The following CLUH variants were observed in gnomAD, a reference collection of about 807,000 sequenced individuals.
CLUH encodes the protein CLUH binding protein of NUMT mRNA, also known as clustered mitochondria protein homolog.
In CLUH, 77 loss-of-function variants were observed where a neutral mutation model predicts 139.3. The ratio of observed to expected loss-of-function variants is 0.55; its 90% CI spans 0.46 to 0.67. CLUH has a LOEUF of 0.67. Among genes scored for constraint, CLUH ranks in the 30% least tolerant of loss-of-function variants. The probability of loss-of-function intolerance (pLI) is 0.00; values close to 1 mark genes in which losing one functional copy is unlikely to be tolerated. For missense variants in CLUH, 1,876 were observed against 1,875.8 expected (o/e 1.00, Z 0.00); for synonymous variants, 999 against 801.6 (o/e 1.25, Z -4.16).
At chr17:2,700,880 C>T in intron 7 of CLUH, 55 bp from the exon 8 acceptor site, 5 of 1,501,852 alleles carry the variant, frequency 3.3e-6, no homozygotes, top group South Asian at 2.7e-5. Flanking sequence ...CAGAGCCCTT[C>T]CACGGGCCCC....
intron 1 of CLUH, chr17:2,708,049 GCAAGAGGC>G: frequency 1.0e-6 from 1 of 975,014 alleles, no homozygotes; most frequent in Non-Finnish European, 1.2e-6. Flanking sequence ...AGAGCTGGCA[GCAAGAGGC>G]CAGTGGCCGC....
At chr17:2,708,437 C>A (rs1343013101) in intron 1 of CLUH, among the ~76,000 whole-genome samples, 1 of 152,082 alleles carries the variant, frequency 6.6e-6, no homozygotes, top group Non-Finnish European at 1.5e-5. Flanking sequence ...ACCACAGAGC[C>A]AGGACTCACG....
chr17:2,693,989 T>C lies in CLUH; in HGVS notation c.3142A>G (p.Asn1048Asp), dbSNP rs2069825391. 1 of 1,613,708 alleles carries C rather than the reference T, an allele frequency of 6.2e-7. No individual in the cohort carries two copies. Among genetic ancestry groups the C allele is most frequent in the Non-Finnish European group, 8.5e-7 (1 of 1,179,834 alleles). Residue 1048 changes from asparagine (N) to aspartate (D), a missense_variant, in exon 19 of 26, where the codon AAC becomes GAC. By Grantham distance (23) the Asn-to-Asp change is conservative (BLOSUM62 1). Coordinates refer to ENST00000651024, the MANE Select transcript of CLUH (RefSeq NM_001366661.1). The stretch of plus-strand genomic sequence containing the variant: ...ACGTGCATGGCTCCGTAGACGTTGT[T>C]AAACAGGTTCAGGGCCTCATTGATG... ...ELINEALNLF[N>D]NVYGAMHVET...
At chr17:2,691,321 TGA>T (rs1411871707) in intron 25 of CLUH, among the ~76,000 whole-genome samples, 1 of 151,880 alleles carries the variant, frequency 6.6e-6, no homozygotes, top group Non-Finnish European at 1.5e-5. Flanking sequence ...CCCAGCACTC[TGA>T]GAGGCCGAGG....
chr17:2,711,295 A>C (rs1356263708), intron 1 of CLUH: 1 of 152,036 alleles, frequency 6.6e-6, no homozygotes, highest in Non-Finnish European at 1.5e-5. Flanking sequence ...GTGTGCGCGC[A>C]CGTGTCCCCG....
In CLUH at chr17:2,701,702, G is replaced by A. The variant is rs1438626769; in HGVS notation, c.655C>T (p.Pro219Ser). The change falls in exon 5 of 26, where the codon CCC (proline) becomes TCC (serine). Residue 219 changes from proline (P) to serine (S), a missense_variant. By Grantham distance (74) the Pro-to-Ser change is moderately conservative. Transcript: ENST00000651024. ...GKRKKGLEMDPIDCTPPEYIL... is the reference protein window; with the variant it reads ...GKRKKGLEMDSIDCTPPEYIL... ...TACTCGGGTGGTGTGCAGTCGATGGGGTCCATCTCCAAGCCCTTCTTCCGC... is the reference window on the plus strand; with the variant it reads ...TACTCGGGTGGTGTGCAGTCGATGGAGTCCATCTCCAAGCCCTTCTTCCGC... 4 of 1,585,246 alleles carry A rather than the reference G, an allele frequency of 2.5e-6. No individual in the cohort carries two copies. The highest frequency in any genetic ancestry group is 3.4e-6 in the Non-Finnish European group (4 of 1,165,688).
At position 2,701,478 on chromosome 17, in the gene CLUH, G is replaced by C; in HGVS notation, c.787C>G (p.Pro263Ala). Residue 263 changes from proline (P) to alanine (A), a missense_variant, in exon 6 of 26, where the codon CCG becomes GCG. Physicochemically the swap from Pro to Ala is conservative, Grantham distance 27. Around this residue, in one of 3 missense-constraint regions of CLUH, gnomAD observed 270 missense variants for 354.7 expected, o/e 0.76. Transcript: ENST00000651024. ...TGCATCTTCCGGTTCCCCGGGGGCGGGTTCCATCCGCTCATGGTGAGTACT... is the reference window on the plus strand; with the variant it reads ...TGCATCTTCCGGTTCCCCGGGGGCGCGTTCCATCCGCTCATGGTGAGTACT... ...LKVLTMSGWN[P>A]PPGNRKMHGD... 1 of 1,613,882 alleles carries C rather than the reference G, an allele frequency of 6.2e-7. No homozygotes were observed. The highest frequency in any genetic ancestry group is 8.5e-7 in the Non-Finnish European group (1 of 1,179,864).
At position 2,694,840 on chromosome 17, in the gene CLUH, C is replaced by T. The variant is rs752765815; in HGVS notation, c.2852+17G>A. 6.7e-6 allele frequency: 10 copies of T among 1,484,196 alleles called. No homozygotes were observed. Among genetic ancestry groups the T allele is most frequent in the Admixed American group, 2.4e-5 (1 of 42,224 alleles). The allele number at this position is 1,484,196 out of a possible 1,614,324, so 91.9% of individuals were successfully genotyped here. On this transcript the variant is annotated intron_variant, in intron 16 of 25. Transcript: ENST00000651024. ...TGCCCAATCCCACCCACCCCACCGC[C>T]CCTGCCCCGCACGCACCACTCGAGG...
At chr17:2,698,770 G>A (rs1025503223) in intron 9 of CLUH, among the ~76,000 whole-genome samples, 180 bp from the exon 10 acceptor site, 2 of 152,100 alleles carry the variant, frequency 1.3e-5, no homozygotes, top group African/African-American at 2.4e-5. Flanking sequence ...TTGGCCGGGC[G>A]CGGTGGCTCA....
rs752140709 is a variant in CLUH at position 2,694,293 on chromosome 17, C to A, written c.2938-17G>T. 5.7e-6 allele frequency: 9 copies of A among 1,570,244 alleles called. No homozygotes were observed. In the South Asian group the frequency reaches 9.6e-5, roughly 17 times the overall value. On this transcript the variant is annotated splice_polypyrimidine_tract_variant and intron_variant, in intron 17 of 25. Coordinates refer to ENST00000651024, the MANE Select transcript of CLUH (RefSeq NM_001366661.1). Reference sequence around the variant, plus strand: ...CAGCAGGACCTGGGGGGCAGCCCCCCCACCACAGGAAGCCTCAGGCCCAGG... The same window carrying A: ...CAGCAGGACCTGGGGGGCAGCCCCCACACCACAGGAAGCCTCAGGCCCAGG...
chr17:2,694,662 A>G, intron 16 of CLUH, 98 bp from the exon 17 acceptor site: 1 of 1,218,316 alleles, frequency 8.2e-7, no homozygotes, highest in East Asian at 3.1e-5. Flanking sequence ...CCGGGCCCCC[A>G]ACACTGCCCC....
Position 2,691,962 on chromosome 17 carries a change from CCCCCG to C in CLUH, c.3654+37_3654+41del, listed in dbSNP as rs774014694. The C allele has an allele frequency of 5.9e-3, 3,963 of 672,038 alleles. 53 individuals are homozygous for C. Among genetic ancestry groups the C allele is most frequent in the African/African-American group, 0.018 (306 of 16,580 alleles). The allele number at this position is 672,038 out of a possible 1,614,324, so 41.6% of individuals were successfully genotyped here. A position where few individuals can be genotyped will look rare whatever the true frequency, so the allele number is the denominator to read the frequency against. On this transcript the variant is annotated intron_variant, in intron 23 of 25. Coordinates refer to ENST00000651024, the MANE Select transcript of CLUH (RefSeq NM_001366661.1). ...GCGGCCCCGCCCCCGCCCCGCCACG[CCCCCG>C]CCCCGCCCCCGCCCCCGCCACGCCC...
At chr17:2,696,625 C>T in intron 11 of CLUH, 87 bp from the exon 12 acceptor site, 1 of 1,545,390 alleles carries the variant, frequency 6.5e-7, no homozygotes, top group Admixed American at 1.9e-5. Flanking sequence ...TAGCTCCTTG[C>T]AGAGATGTCT....
At chr17:2,694,745 C>A in intron 16 of CLUH, 112 bp downstream of exon 16, 6 of 1,410,278 alleles carry the variant, frequency 4.3e-6, no homozygotes, top group Non-Finnish European at 5.7e-6. Context: ...GCTCCCTCTT[C>A]TCTCTGACTC....
At position 2,692,402 on chromosome 17, in the gene CLUH, G is replaced by A. The variant is rs1174454543; in HGVS notation, c.3519C>T (p.Ser1173=). The A allele has an allele frequency of 6.3e-7, 1 of 1,596,734 alleles. No homozygotes were observed. The highest frequency in any genetic ancestry group is 8.5e-7 in the Non-Finnish European group (1 of 1,178,396). ...LRFLENALAV[S]TKYHGPKALK... ...GGGCCTTGGGCCCGTGGTACTTGGT[G>A]CTGACGGCCAGCGCGTTCTCCAGGA... Residue 1173 remains serine, a synonymous_variant, in exon 22 of 26, where the codon AGC becomes AGT. Coordinates refer to ENST00000651024, the MANE Select transcript of CLUH (RefSeq NM_001366661.1).
rs748785564 is a variant in CLUH, at chr17:2,698,554, C to T, written c.1303G>A (p.Ala435Thr). The change falls in exon 10 of 26, where the codon GCC becomes ACC. Residue 435 changes from alanine to threonine, a missense_variant. By Grantham distance (58) the Ala-to-Thr change is moderately conservative. Around this residue, in one of 3 missense-constraint regions of CLUH, gnomAD observed 1,454 missense variants for 1,384.4 expected, o/e 1.05. Transcript: ENST00000651024. Reference sequence around the variant, plus strand: ...ACGTTGCCGTCAATGACGGCCATGGCGCCCCTGGTGGCTGCCGCGGTGAAG... The same window carrying T: ...ACGTTGCCGTCAATGACGGCCATGGTGCCCCTGGTGGCTGCCGCGGTGAAG... The part of the protein sequence containing the change: ...SDFTAAATRG[A>T]MAVIDGNVMA... 5 of 1,609,858 alleles carry T rather than the reference C, an allele frequency of 3.1e-6. No individual in the cohort carries two copies. Among genetic ancestry groups the T allele is most frequent in the Non-Finnish European group, 4.2e-6 (5 of 1,177,874 alleles).
At position 2,691,729 on chromosome 17, in the gene CLUH, G is replaced by GGGCC; in HGVS notation, c.3789+28_3789+31dup. On this transcript the variant is annotated intron_variant, in intron 24 of 25. Transcript: ENST00000651024. ...GGTGAGCGGGGCTCCCGCGCTCGCC[G>GGGCC]GGCCGGAGGGGCCGCTCCGCCCCGG... 1.9e-6 allele frequency: 3 copies of GGGCC among 1,599,340 alleles called. No individual in the cohort carries two copies. The African/African-American group carries it at 4.0e-5, about 21-fold the overall frequency.
At position 2,691,923 on chromosome 17, in the gene CLUH, C is replaced by CCCCCCGTG. The variant is rs1379177053; in HGVS notation, c.3655-36_3655-29dup. The CCCCCCGTG allele has an allele frequency of 3.8e-6, 5 of 1,311,392 alleles. No individual in the cohort carries two copies. In the Admixed American group the frequency reaches 9.7e-5, roughly 25 times the overall value. 81.2% of individuals were successfully genotyped at this position (1,311,392 alleles called of 1,614,324 possible). A position where few individuals can be genotyped will look rare whatever the true frequency, so the allele number is the denominator to read the frequency against. ...GCGGGGAGGCGGGAAGGGATCAGGC[C>CCCCCCGTG]CCCCCGTGCCCCCGCGGCCCCGCCC... On this transcript the variant is annotated intron_variant, in intron 23 of 25. Transcript: ENST00000651024.
chr17:2,703,199 T>C lies in CLUH; in HGVS notation c.475+119A>G. ...TGTGCTGGCCTGAGAAGCAGATCTG[T>C]GCTCCAATCCTGCCTCCATGAGCTC... On this transcript the variant is annotated intron_variant, in intron 3 of 25. Coordinates refer to ENST00000651024, the MANE Select transcript of CLUH (RefSeq NM_001366661.1). The surrounding 1 kb of genome is among the most constrained non-coding windows in gnomAD (Gnocchi z 4.2). 9.4e-7 allele frequency: 1 copy of C among 1,060,272 alleles called. No homozygotes were observed. Among genetic ancestry groups the C allele is most frequent in the South Asian group, 1.5e-5 (1 of 64,880 alleles). The allele number at this position is 1,060,272 out of a possible 1,614,324, so 65.7% of individuals were successfully genotyped here. A position where few individuals can be genotyped will look rare whatever the true frequency, so the allele number is the denominator to read the frequency against.
Sources: allele counts gnomAD v4.1 joint callset (sites outside exome capture counted in the v4.1 genomes callset), GRCh38; gene constraint gnomAD v4.1.1; regional missense constraint gnomAD v4.1.1; non-coding constraint Gnocchi (gnomAD v3.1); transcripts MANE v1.5; gene names NCBI Gene and HGNC (gene_info 2026-07-23, HGNC 2026-07-21).